The following ZNF804B variants were observed in gnomAD, a reference collection of about 807,000 sequenced individuals.
ZNF804B encodes zinc finger protein 804B.
ZNF804B carries 80 observed loss-of-function variants against 101.4 expected under a neutral mutation model. That is an observed-to-expected ratio of 0.79 (90% CI 0.66 to 0.95). The LOEUF is 0.95. Ranked by LOEUF, ZNF804B falls within the 40% of genes least tolerant of loss-of-function variation. ZNF804B has a pLI of 0.00. For missense variants in ZNF804B, 1,673 were observed against 1,561.9 expected (o/e 1.07, Z -1.20); for synonymous variants, 622 against 558.8 (o/e 1.11, Z -1.59).
rs191400541 is a variant in ZNF804B, at chr7:88,877,097, T to G, written c.108+117013T>G. On this transcript the variant is annotated intron_variant, in intron 1 of 3. Transcript: ENST00000333190. ...TTTTTTGAGGCAGAGTCTCCCTCTG[T>G]CACCCAGGCTGGAGTGCAGTGGCAC... 4.4e-3 allele frequency among the ~76,000 whole-genome samples: 538 copies of G among 121,352 alleles called. 10 individuals carry two copies. Among genetic ancestry groups the G allele is most frequent in the African/African-American group, 0.017 (517 of 30,432 alleles). 79.6% of individuals were successfully genotyped at this position (121,352 alleles called of 152,430 possible).
chr7:89,115,673 A>G (rs1790299823), intron 1 of ZNF804B, among the ~76,000 whole-genome samples: 1 of 152,192 alleles, frequency 6.6e-6, no homozygotes, highest in Non-Finnish European at 1.5e-5. Flanking sequence ...CTTCACCTTG[A>G]AAACTGCTCT....
rs774938907 is a variant in ZNF804B at position 88,760,027 on chromosome 7, C to A, written c.51C>A (p.Tyr17Ter). ...CGAGACATCTCAGCAATGGGCACTA[C>A]CGGGGCATTAAAGGAGTCTTCAGGG... Reference protein sequence around the residue: ...ISSRHLSNGHYRGIKGVFRGP... With the variant: ...ISSRHLSNGH The change falls in exon 1 of 4, where the codon TAC (tyrosine) becomes TAA (stop). Residue 17 changes from tyrosine to a stop codon, truncating the protein, a stop_gained. Transcript: ENST00000333190. LOFTEE classifies it high-confidence loss of function. 2 of 1,614,208 alleles carry A rather than the reference C, an allele frequency of 1.2e-6. No homozygotes were observed. The highest frequency in any genetic ancestry group is 2.2e-5 in the South Asian group (2 of 91,082).
intron 1 of ZNF804B, among the ~76,000 whole-genome samples, chr7:89,167,524 A>G (rs1363957324): frequency 6.6e-6 from 1 of 152,174 alleles, no homozygotes; most frequent in African/African-American, 2.4e-5. Context: ...TCAGGAGTCA[A>G]CTGTATTTTG....
At chr7:88,945,011 T>A (rs1225152679) in intron 1 of ZNF804B, among the ~76,000 whole-genome samples, 1 of 152,060 alleles carries the variant, frequency 6.6e-6, no homozygotes, top group African/African-American at 2.4e-5. Flanking sequence ...ATGGATAGAT[T>A]GCAAAAATTT....
chr7:88,948,906 A>G (rs557656205), intron 1 of ZNF804B, among the ~76,000 whole-genome samples: 148 of 151,836 alleles, frequency 9.7e-4, no homozygotes, highest in Middle Eastern at 3.4e-3. Flanking sequence ...CAGAAGTTTT[A>G]TCTTAACTTC....
intron 2 of ZNF804B, among the ~76,000 whole-genome samples, chr7:89,302,548 T>C (rs1418300539): frequency 6.6e-6 from 1 of 151,876 alleles, no homozygotes; most frequent in Non-Finnish European, 1.5e-5. Flanking sequence ...AATGATATAG[T>C]TGATCACAGA....
intron 1 of ZNF804B, among the ~76,000 whole-genome samples, chr7:88,779,676 G>T (rs1252102163): frequency 6.6e-6 from 1 of 152,162 alleles, no homozygotes; most frequent in African/African-American, 2.4e-5. Context: ...ATGGAAGAGT[G>T]CTGGGGCTTC....
chr7:89,336,841 C>T lies in ZNF804B; in HGVS notation c.3859C>T (p.Pro1287Ser). ...HPSHITLQPL[P>S]PTAFIPTLFG... The stretch of plus-strand genomic sequence containing the variant: ...ATCTCACATAACACTTCAGCCTCTG[C>T]CCCCTACAGCATTTATTCCTACATT... Residue 1287 changes from proline (P) to serine (S), a missense_variant, in exon 4 of 4, where the codon CCC becomes TCC. By Grantham distance (74) the Pro-to-Ser change is moderately conservative. Transcript: ENST00000333190. 2 of 1,614,118 alleles carry T rather than the reference C, an allele frequency of 1.2e-6. No individual in the cohort carries two copies. The highest frequency in any genetic ancestry group is 1.7e-6 in the Non-Finnish European group (2 of 1,180,004).
intron 1 of ZNF804B, among the ~76,000 whole-genome samples, chr7:89,171,721 C>T (rs1791240042): frequency 6.6e-6 from 1 of 152,070 alleles, no homozygotes; most frequent in Non-Finnish European, 1.5e-5. Context: ...AGGTGTGATC[C>T]CCATGTGTGG....
At chr7:89,171,529 G>C (rs1791237548) in intron 1 of ZNF804B, among the ~76,000 whole-genome samples, 1 of 151,706 alleles carries the variant, frequency 6.6e-6, no homozygotes, top group Non-Finnish European at 1.5e-5. Context: ...CTGCCTCCCG[G>C]GTTCAAGCAT....
chr7:88,954,554 T>TGC (rs1554349332), intron 1 of ZNF804B, among the ~76,000 whole-genome samples: 1 of 78,554 alleles, frequency 1.3e-5, no homozygotes, highest in Non-Finnish European at 3.2e-5. Context: ...TTCTAAAACA[T>TGC]GCCCCCCCCC....
chr7:88,989,896 A>G (rs1335703455), intron 1 of ZNF804B, among the ~76,000 whole-genome samples: 2 of 151,974 alleles, frequency 1.3e-5, no homozygotes, highest in African/African-American at 2.4e-5. Flanking sequence ...AGTGTTATTT[A>G]TATCATCTTT....
chr7:89,044,330 CT>C (rs1213449454), intron 1 of ZNF804B, among the ~76,000 whole-genome samples: 2 of 152,212 alleles, frequency 1.3e-5, no homozygotes, highest in Non-Finnish European at 2.9e-5. Flanking sequence ...AATTAATCAT[CT>C]TTCCTTTATA....
rs569492306 is a variant in ZNF804B at position 88,780,187 on chromosome 7, G to C, written c.108+20103G>C. Among the ~76,000 whole-genome samples, 14 of 152,170 alleles carry C rather than the reference G, an allele frequency of 9.2e-5. No homozygotes were observed. In the South Asian group the frequency reaches 2.9e-3, roughly 32 times the overall value. On this transcript the variant is annotated intron_variant, in intron 1 of 3. Coordinates refer to ENST00000333190, the MANE Select transcript of ZNF804B (RefSeq NM_181646.5). ...ACAGGGAATACAAAATACTGGTGAG[G>C]ATGTGGAGAAAAGGGAACCCTTGTA...
At chr7:88,860,168 A>C (rs760449063) in intron 1 of ZNF804B, among the ~76,000 whole-genome samples, 2 of 152,092 alleles carry the variant, frequency 1.3e-5, no homozygotes, top group Non-Finnish European at 1.5e-5. Flanking sequence ...TGATAGAAAA[A>C]GAAAATGCTC....
At chr7:89,113,549 T>A (rs1296911863) in intron 1 of ZNF804B, among the ~76,000 whole-genome samples, 1 of 152,134 alleles carries the variant, frequency 6.6e-6, no homozygotes, top group African/African-American at 2.4e-5. Flanking sequence ...TTTGTAATCA[T>A]CTCACGCTCA....
chr7:89,015,296 G>A (rs1788529321), intron 1 of ZNF804B, among the ~76,000 whole-genome samples: 1 of 148,406 alleles, frequency 6.7e-6, no homozygotes, highest in Non-Finnish European at 1.5e-5. Context: ...CTGTAGCTTT[G>A]TTTCTTTTTT....
At chr7:89,328,416 CA>C (rs1426849168) in intron 3 of ZNF804B, among the ~76,000 whole-genome samples, 2 of 151,692 alleles carry the variant, frequency 1.3e-5, no homozygotes, top group African/African-American at 4.8e-5. Context: ...ATCATATTAA[CA>C]AGAAATGAGA....
At chr7:88,930,670 A>G (rs770941402) in intron 1 of ZNF804B, among the ~76,000 whole-genome samples, 2 of 151,846 alleles carry the variant, frequency 1.3e-5, no homozygotes, top group African/African-American at 2.4e-5. Context: ...TAAGAAAGAG[A>G]AGGAGAGTTA....
Sources: allele counts gnomAD v4.1 joint callset (sites outside exome capture counted in the v4.1 genomes callset), GRCh38; gene constraint gnomAD v4.1.1; transcripts MANE v1.5; gene names NCBI Gene and HGNC (gene_info 2026-07-23, HGNC 2026-07-21).